The following DEPDC5 variants were observed in gnomAD, a reference collection of about 807,000 sequenced individuals.
DEPDC5 encodes GATOR1 complex protein DEPDC5.
Under a neutral mutation model 217.3 loss-of-function variants are expected in DEPDC5, and 73 were observed. That is an observed-to-expected ratio of 0.34 (90% CI 0.28 to 0.41). DEPDC5 has a LOEUF of 0.41. Ranked by LOEUF, DEPDC5 falls within the 10% of genes least tolerant of loss-of-function variation. DEPDC5 has a pLI of 1.00. For synonymous variants in DEPDC5, 733 were observed against 756.7 expected (o/e 0.97, Z 0.51); for missense variants, 1,675 against 2,070.1 (o/e 0.81, Z 3.70).
chr22:31,804,882 A>C lies in DEPDC5; in HGVS notation c.1184A>C (p.Asp395Ala), dbSNP rs1064796205. 1.2e-6 allele frequency: 2 copies of C among 1,613,966 alleles called. No individual in the cohort carries two copies. Among genetic ancestry groups the C allele is most frequent in the East Asian group, 4.5e-5 (2 of 44,868 alleles). The change falls in exon 17 of 43, where the codon GAT (aspartate) becomes GCT (alanine). Residue 395 changes from aspartate to alanine, a missense_variant. By Grantham distance (126) the Asp-to-Ala change is moderately radical. This residue lies in a region of DEPDC5 where 628 missense variants were observed against 762.1 expected (regional missense o/e 0.82). Coordinates refer to ENST00000651528, the MANE Select transcript of DEPDC5 (RefSeq NM_001242896.3). ...GCTCCCCGTGATTCTCGTCTGGGCGATGACTATAATATCCCTCACTGGATA... is the reference window on the plus strand; with the variant it reads ...GCTCCCCGTGATTCTCGTCTGGGCGCTGACTATAATATCCCTCACTGGATA... ...RSAPRDSRLG[D>A]DYNIPHWINH...
intron 7 of DEPDC5, among the ~76,000 whole-genome samples, chr22:31,773,516 T>G (rs894570726): frequency 6.6e-6 from 1 of 152,146 alleles, no homozygotes; most frequent in Non-Finnish European, 1.5e-5. Flanking sequence ...TTTAGACTTT[T>G]AAAGATCTGT....
chr22:31,843,512 G>T, intron 28 of DEPDC5, 133 bp from the exon 29 acceptor site: 1 of 1,067,232 alleles, frequency 9.4e-7, no homozygotes. Flanking sequence ...ACCGTTCCCT[G>T]GGATAAGTTG....
chr22:31,887,980 G>GT (rs1164206402), intron 38 of DEPDC5, among the ~76,000 whole-genome samples: 2 of 151,892 alleles, frequency 1.3e-5, no homozygotes, highest in Non-Finnish European at 2.9e-5. Flanking sequence ...CCCTTTTTTT[G>GT]TTTTTTGTTT....
At chr22:31,885,393 G>A (rs1012935837) in intron 38 of DEPDC5, among the ~76,000 whole-genome samples, 2 of 152,086 alleles carry the variant, frequency 1.3e-5, no homozygotes, top group Middle Eastern at 3.2e-3. Flanking sequence ...AGATACCCTC[G>A]GGTCTCCCTC....
chr22:31,806,712 A>C (rs1489692837), intron 18 of DEPDC5, among the ~76,000 whole-genome samples: 1 of 152,218 alleles, frequency 6.6e-6, no homozygotes, highest in Non-Finnish European at 1.5e-5. Context: ...AGTATAAAGA[A>C]ATGAAAATTC....
chr22:31,834,246 G>A, intron 25 of DEPDC5: 1 of 458,736 alleles, frequency 2.2e-6, no homozygotes, highest in Non-Finnish European at 4.0e-6. Context: ...CCCCATGCTG[G>A]TCCAGAGCTG....
At chr22:31,840,671 G>T (rs2091337432) in intron 27 of DEPDC5, among the ~76,000 whole-genome samples, 1 of 152,068 alleles carries the variant, frequency 6.6e-6, no homozygotes, top group Admixed American at 6.6e-5. Context: ...ATCCTTTCTG[G>T]TTATTTTTTT....
chr22:31,845,748 C>CGT lies in DEPDC5; in HGVS notation c.3021+528_3021+529dup, dbSNP rs369816632. On this transcript the variant is annotated intron_variant, in intron 30 of 42. Transcript: ENST00000651528. ...TTTTTTAAACATATAGTATAATTGA[C>CGT]GTGTGTGTGTGTGTGTGTATGTGTG... 4.3e-3 allele frequency among the ~76,000 whole-genome samples: 639 copies of CGT among 149,458 alleles called. 4 individuals are homozygous for CGT. The highest frequency in any genetic ancestry group is 0.017 in the South Asian group (79 of 4,720).
intron 31 of DEPDC5, among the ~76,000 whole-genome samples, chr22:31,852,255 G>A (rs1369072951): frequency 1.3e-5 from 2 of 151,952 alleles, no homozygotes; most frequent in Non-Finnish European, 2.9e-5. Context: ...ATCATCACGC[G>A]GCTTCAGTGA....
intron 40 of DEPDC5, among the ~76,000 whole-genome samples, chr22:31,900,337 G>A (rs574252235): frequency 3.9e-5 from 6 of 152,036 alleles, no homozygotes; most frequent in Non-Finnish European, 8.8e-5. Context: ...GTGAGCCGCC[G>A]CACCTGGCCC....
chr22:31,877,140 CA>C (rs1263388453), intron 37 of DEPDC5, among the ~76,000 whole-genome samples: 1 of 151,630 alleles, frequency 6.6e-6, no homozygotes. Context: ...AACTCCGTCT[CA>C]AAAACAACAG....
intron 20 of DEPDC5, among the ~76,000 whole-genome samples, chr22:31,813,251 A>AGGGGCTCAGTAAGAGCTG (rs1166295982): frequency 1.9e-4 from 29 of 152,268 alleles, no homozygotes; most frequent in African/African-American, 6.7e-4. Flanking sequence ...AGTAAGAGCT[A>AGGGGCTCAGTAAGAGCTG]CTTAGGGGCT....
At position 31,797,800 on chromosome 22, in the gene DEPDC5, G is replaced by T. The variant is rs913624386; in HGVS notation, c.871+97G>T. On this transcript the variant is annotated intron_variant, in intron 13 of 42. Coordinates refer to ENST00000651528, the MANE Select transcript of DEPDC5 (RefSeq NM_001242896.3). The stretch of plus-strand genomic sequence containing the variant: ...GATGTGTGCTTGTTTCTCTCCCATT[G>T]CCGTGTGTAGTTTCTGCTTTTGGTC... 5.5e-6 allele frequency: 5 copies of T among 914,572 alleles called. No individual in the cohort carries two copies. In the Admixed American group the frequency reaches 8.2e-5, roughly 15 times the overall value. The allele number at this position is 914,572 out of a possible 1,614,324, so 56.7% of individuals were successfully genotyped here.
intron 33 of DEPDC5, among the ~76,000 whole-genome samples, chr22:31,867,151 C>G (rs1179798219): frequency 6.6e-6 from 1 of 152,208 alleles, no homozygotes; most frequent in African/African-American, 2.4e-5. Context: ...CGTGCGACAT[C>G]TGCCATTCTC....
intron 7 of DEPDC5, among the ~76,000 whole-genome samples, chr22:31,775,534 A>C (rs2148286420): frequency 6.6e-6 from 1 of 152,228 alleles, no homozygotes; most frequent in Non-Finnish European, 1.5e-5. Flanking sequence ...TGGGAGAAAG[A>C]GTGAAATTGG....
At chr22:31,761,182 C>T (rs1601603741) in intron 4 of DEPDC5, among the ~76,000 whole-genome samples, 1 of 152,018 alleles carries the variant, frequency 6.6e-6, no homozygotes, top group African/African-American at 2.4e-5. Flanking sequence ...GAGGTTTCAC[C>T]GTGTTAGCCA....
At chr22:31,795,855 C>T (rs188095655) in intron 12 of DEPDC5, among the ~76,000 whole-genome samples, 2 of 151,176 alleles carry the variant, frequency 1.3e-5, no homozygotes, top group East Asian at 2.0e-4. Context: ...CTCAGCCTCT[C>T]GAGTAGCTGG....
At chr22:31,828,226 G>T (rs573697879) in intron 24 of DEPDC5, among the ~76,000 whole-genome samples, 1 of 152,124 alleles carries the variant, frequency 6.6e-6, no homozygotes, top group Non-Finnish European at 1.5e-5. Flanking sequence ...CAAGGCGGGC[G>T]GATCACCTGA....
intron 21 of DEPDC5, chr22:31,816,760 C>T (rs2089178205): frequency 6.6e-6 from 1 of 152,230 alleles, no homozygotes; most frequent in African/African-American, 2.4e-5. Flanking sequence ...GTGCAATGTC[C>T]TCTTCTGGTT....
Sources: gnomAD v4.1 joint callset for allele counts (sites outside exome capture counted in the v4.1 genomes callset) on GRCh38, gnomAD v4.1.1 for gene constraint, gnomAD v4.1.1 regional missense constraint, MANE v1.5 for transcripts, NCBI Gene and HGNC (gene_info 2026-07-23, HGNC 2026-07-21) for gene names.